Variants in DRICH1 observed in about 807,000 individuals in gnomAD.
DRICH1 encodes aspartate-rich protein 1.
In DRICH1, 38 loss-of-function variants were observed where a neutral mutation model predicts 39.5. The observed-to-expected ratio is 0.96, with a 90% CI of 0.74 to 1.26. DRICH1 has a LOEUF of 1.26. DRICH1 is among the 50% of genes most tolerant of loss of function. DRICH1 has a pLI of 0.00. For missense variants in DRICH1, 279 were observed against 270.4 expected, an observed-to-expected ratio of 1.03 and a Z score of -0.22; for synonymous variants, 84 against 99.5, an observed-to-expected ratio of 0.84 and a Z score of 0.93.
intron 10 of DRICH1, 139 bp downstream of exon 10, chr22:23,613,500 G>C: frequency 1.1e-6 from 1 of 895,598 alleles, no homozygotes; most frequent in South Asian, 1.4e-5. Context: ...CAGCTTCTCA[G>C]GCCAGAGTTC....
downstream of DRICH1, among the ~76,000 whole-genome samples, chr22:23,606,049 CAAA>C (rs892475771): frequency 3.3e-5 from 3 of 92,156 alleles, no homozygotes; most frequent in Non-Finnish European, 6.7e-5. Context: ...ACTCCCGCCT[CAAA>C]AAAAAAAAAT....
chr22:23,593,576 G>A, the DRICH1 span, among the ~76,000 whole-genome samples: 6 of 152,216 alleles, frequency 3.9e-5, no homozygotes, highest in African/African-American at 9.6e-5. Context: ...CAAGGCAGGC[G>A]AATCACAAGG....
At chr22:23,626,995 G>A (rs1464274307) in intron 1 of DRICH1, among the ~76,000 whole-genome samples, 1 of 152,056 alleles carries the variant, frequency 6.6e-6, no homozygotes, top group African/African-American at 2.4e-5. Flanking sequence ...ATTCTGCGGG[G>A]ATGTAAATCT....
chr22:23,600,821 C>T, the DRICH1 span, among the ~76,000 whole-genome samples: 4 of 151,968 alleles, frequency 2.6e-5, no homozygotes, highest in East Asian at 1.9e-4. Context: ...TATGGGCACC[C>T]GCCACCATGA....
chr22:23,613,243 T>C, intron 11 of DRICH1, 46 bp downstream of exon 11: 1 of 1,504,730 alleles, frequency 6.6e-7, no homozygotes, highest in Middle Eastern at 2.3e-4. Context: ...TGGAGGCTCC[T>C]GGGAACCTTT....
chr22:23,605,327 T>G (rs926714054), downstream of DRICH1, among the ~76,000 whole-genome samples: 3 of 152,060 alleles, frequency 2.0e-5, no homozygotes, highest in African/African-American at 7.2e-5. Flanking sequence ...GGCCTTTCCC[T>G]CAGAGGCACC....
intron 3 of DRICH1, 65 bp downstream of exon 3, chr22:23,624,818 A>T: frequency 5.3e-4 from 713 of 1,335,550 alleles, no homozygotes; most frequent in Non-Finnish European, 7.0e-4. Context: ...ATCCAGATTA[A>T]GGTTTCTATA....
intron 2 of DRICH1, among the ~76,000 whole-genome samples, chr22:23,625,260 C>T (rs1331686455): frequency 6.6e-6 from 1 of 152,186 alleles, no homozygotes; most frequent in Non-Finnish European, 1.5e-5. Flanking sequence ...ATTCCATCCT[C>T]ACAAAGACAA....
Position 23,625,992 on chromosome 22 carries a change from CATT to C in DRICH1, c.262_264del (p.Asn88del), listed in dbSNP as rs754165255. On this transcript the variant is annotated inframe_deletion, in exon 2 of 12. Coordinates refer to ENST00000317749, the MANE Select transcript of DRICH1 (RefSeq NM_016449.4). ...AAAGGGGGTCTTACCTTGGCATCAT[CATT>C]GTCTTCCTCACTTGATGGCAGAAAT... 7.6e-5 allele frequency: 123 copies of C among 1,611,632 alleles called. No homozygotes were observed. The highest frequency in any genetic ancestry group is 6.7e-4 in the African/African-American group (50 of 75,040).
chr22:23,619,250 A>G, intron 6 of DRICH1, 114 bp downstream of exon 6: 1 of 697,922 alleles, frequency 1.4e-6, no homozygotes, highest in South Asian at 1.6e-5. Context: ...CTGTCAACAT[A>G]AAGTTTCTAA....
chr22:23,621,726 C>T (rs1602344032), intron 4 of DRICH1, among the ~76,000 whole-genome samples: 1 of 152,040 alleles, frequency 6.6e-6, no homozygotes, highest in African/African-American at 2.4e-5. Context: ...CCAGCCTGGC[C>T]AAAATGGTAA....
At chr22:23,582,713 C>T in the DRICH1 span, among the ~76,000 whole-genome samples, 9 of 152,014 alleles carry the variant, frequency 5.9e-5, no homozygotes, top group Admixed American at 2.6e-4. Flanking sequence ...TACAGGTGCC[C>T]GCCATCATGC....
intron 11 of DRICH1, among the ~76,000 whole-genome samples, chr22:23,609,553 G>C (rs1926920120): frequency 6.6e-6 from 1 of 152,120 alleles, no homozygotes; most frequent in Non-Finnish European, 1.5e-5. Flanking sequence ...AGCACCCCCT[G>C]ACCAGGGGTA....
At chr22:23,589,481 C>CATAT in the DRICH1 span, among the ~76,000 whole-genome samples, 1 of 127,224 alleles carries the variant, frequency 7.9e-6, no homozygotes, top group Non-Finnish European at 1.7e-5. Flanking sequence ...TACATATGTA[C>CATAT]ATATATATAT....
the DRICH1 span, among the ~76,000 whole-genome samples, chr22:23,597,430 G>A: frequency 7.2e-6 from 1 of 138,224 alleles, no homozygotes. Context: ...TTGAGCCCTG[G>A]AGGTCAAGGC....
the DRICH1 span, chr22:23,583,161 G>A: frequency 1.1e-4 from 16 of 152,238 alleles, no homozygotes; most frequent in Non-Finnish European, 1.6e-4. Flanking sequence ...TCTGGATAAC[G>A]ATGGAAGATC....
At chr22:23,581,275 C>CG in the DRICH1 span, 57,234 of 152,166 alleles carry the variant, frequency 0.38, 13,984 homozygotes, top group East Asian at 0.75. Flanking sequence ...GACAGGCCCC[C>CG]GGTCCTCTCC....
chr22:23,619,545 C>T (rs1396504729), intron 5 of DRICH1, 152 bp from the exon 6 acceptor site: 2 of 530,698 alleles, frequency 3.8e-6, no homozygotes, highest in South Asian at 1.8e-5. Context: ...CAGCATGCTT[C>T]CAGCATGGAG....
At chr22:23,607,254 T>C (rs1291296888), downstream of DRICH1, 1 of 152,446 alleles carries the variant, frequency 6.6e-6, no homozygotes, top group East Asian at 1.9e-4. Context: ...GTGTGTCCTG[T>C]GTGCCAGGCA....
Sources: allele counts gnomAD v4.1 joint callset (sites outside exome capture counted in the v4.1 genomes callset), GRCh38; gene constraint gnomAD v4.1.1; transcripts MANE v1.5; gene names NCBI Gene and HGNC (gene_info 2026-07-23, HGNC 2026-07-21).